The following ACOXL variants were observed in gnomAD, a reference collection of about 807,000 sequenced individuals.
ACOXL encodes the protein acyl-CoA oxidase like.
A neutral mutation model predicts 71.9 loss-of-function variants in ACOXL; 70 were observed. That is an observed-to-expected ratio of 0.97 (90% CI 0.80 to 1.19). ACOXL has a LOEUF of 1.19. Among genes scored for constraint, ACOXL ranks in the 50% most tolerant of loss-of-function variants. ACOXL has a pLI of 0.00. For synonymous variants in ACOXL, 253 were observed against 281.6 expected (o/e 0.90, Z 1.02); for missense variants, 703 against 736.3 (o/e 0.95, Z 0.52).
chr2:110,880,773 A>G (rs768840144), intron 10 of ACOXL, among the ~76,000 whole-genome samples: 14 of 152,154 alleles, frequency 9.2e-5, no homozygotes, highest in African/African-American at 1.4e-4. Flanking sequence ...TGATGGCACC[A>G]TTGCACTCCA....
At chr2:111,009,997 A>G (rs2064070092) in intron 14 of ACOXL, among the ~76,000 whole-genome samples, 1 of 152,186 alleles carries the variant, frequency 6.6e-6, no homozygotes, top group East Asian at 1.9e-4. Context: ...AATAAGACTC[A>G]ATACCCTTTA....
chr2:110,832,525 A>G, intron 9 of ACOXL, among the ~76,000 whole-genome samples: 1 of 149,516 alleles, frequency 6.7e-6, no homozygotes, highest in African/African-American at 2.5e-5. Context: ...GGCCTGGGCG[A>G]CAGAGCGAGA....
chr2:110,957,341 C>G (rs988876063), intron 12 of ACOXL, among the ~76,000 whole-genome samples: 4 of 152,170 alleles, frequency 2.6e-5, no homozygotes, highest in African/African-American at 9.7e-5. Context: ...AAGATTTGTT[C>G]ATGTTGGAGA....
chr2:110,751,752 G>A (rs1678992316), intron 1 of ACOXL, among the ~76,000 whole-genome samples: 3 of 152,180 alleles, frequency 2.0e-5, no homozygotes, highest in South Asian at 2.1e-4. Context: ...CCCTCCTGGA[G>A]GTAACCACGG....
At chr2:111,025,108 C>G (rs2064957543) in intron 14 of ACOXL, among the ~76,000 whole-genome samples, 1 of 152,038 alleles carries the variant, frequency 6.6e-6, no homozygotes. Context: ...ACTTATCTTT[C>G]TTTCATTGTA....
chr2:110,968,869 A>C (rs1056732734), intron 12 of ACOXL: 37 of 320,932 alleles, frequency 1.2e-4, no homozygotes, highest in African/African-American at 7.6e-4. Context: ...AACAGCATAC[A>C]TGTTTTTCAA....
rs894099470 is a variant in ACOXL, at chr2:111,117,758, AGCCGCG to A, written c.1689_1694del (p.Pro565_Arg566del). The A allele has an allele frequency of 1.9e-6, 3 of 1,551,382 alleles. No homozygotes were observed. The African/African-American group carries it at 4.1e-5, about 21-fold the overall frequency. On this transcript the variant is annotated inframe_deletion, in exon 18 of 18. Coordinates refer to ENST00000439055, the MANE Select transcript of ACOXL (RefSeq NM_001142807.4). ...TGGGCTTTCTACCCTGCACCGCTGC[AGCCGCG>A]GCCACGGGAAGAGGCGCGCTCCCGG...
intron 7 of ACOXL, among the ~76,000 whole-genome samples, chr2:110,801,050 A>C (rs1198391620): frequency 3.3e-5 from 5 of 152,186 alleles, no homozygotes; most frequent in Non-Finnish European, 5.9e-5. Flanking sequence ...CTAAGTTTTC[A>C]CAAAGAGAAG....
intron 2 of ACOXL, among the ~76,000 whole-genome samples, chr2:110,775,635 G>A (rs1018306288): frequency 3.3e-5 from 5 of 152,034 alleles, no homozygotes; most frequent in African/African-American, 4.8e-5. Flanking sequence ...TAAACACATA[G>A]AAAGATGCCC....
chr2:110,948,315 A>T (rs2061190240), intron 12 of ACOXL, among the ~76,000 whole-genome samples: 1 of 152,164 alleles, frequency 6.6e-6, no homozygotes, highest in African/African-American at 2.4e-5. Context: ...TGCATAGGGA[A>T]CGCTGAAGCA....
chr2:110,795,874 GT>G (rs1350382574), intron 5 of ACOXL: 1 of 151,736 alleles, frequency 6.6e-6, no homozygotes. Flanking sequence ...ATAATTTCCT[GT>G]GTTGGTCCCA....
At chr2:110,899,957 CA>C (rs2059161520) in intron 10 of ACOXL, among the ~76,000 whole-genome samples, 2 of 152,096 alleles carry the variant, frequency 1.3e-5, no homozygotes. Flanking sequence ...CTGTCCACAC[CA>C]CTTTCCTAGG....
rs922081309 is a variant in ACOXL, at chr2:111,087,807, T to C, written c.1441-5058T>C. On this transcript the variant is annotated intron_variant, in intron 16 of 17. Transcript: ENST00000439055. The stretch of plus-strand genomic sequence containing the variant: ...CAAAAATTAACAAATGGGATCTAAT[T>C]AAACTAAAGAGCTTCTGCTCAGCAA... Among the ~76,000 whole-genome samples, 119 of 152,172 alleles carry C rather than the reference T, an allele frequency of 7.8e-4. 1 individual carries two copies. The highest frequency in any genetic ancestry group is 2.8e-3 in the African/African-American group (115 of 41,458).
chr2:110,835,784 A>T (rs1690379715), intron 9 of ACOXL, among the ~76,000 whole-genome samples: 1 of 152,150 alleles, frequency 6.6e-6, no homozygotes, highest in African/African-American at 2.4e-5. Context: ...CTCAAACTTG[A>T]CGCTTGTAGA....
chr2:111,012,367 C>G (rs2064211794), intron 14 of ACOXL, among the ~76,000 whole-genome samples: 2 of 152,062 alleles, frequency 1.3e-5, no homozygotes, highest in African/African-American at 4.8e-5. Flanking sequence ...ACTGGGAAAC[C>G]AAAAAGTTTG....
chr2:110,870,570 C>T (rs1367496957), intron 10 of ACOXL, among the ~76,000 whole-genome samples: 1 of 151,976 alleles, frequency 6.6e-6, no homozygotes, highest in African/African-American at 2.4e-5. Flanking sequence ...CACAGTTATG[C>T]CAGGGACAGT....
At chr2:111,050,790 C>T (rs1372069284) in intron 16 of ACOXL, among the ~76,000 whole-genome samples, 1 of 152,168 alleles carries the variant, frequency 6.6e-6, no homozygotes, top group Non-Finnish European at 1.5e-5. Context: ...TCATGGCCTC[C>T]CCGACTTGGG....
At chr2:111,057,236 T>C (rs2149863691) in intron 16 of ACOXL, among the ~76,000 whole-genome samples, 1 of 152,344 alleles carries the variant, frequency 6.6e-6, no homozygotes, top group African/African-American at 2.4e-5. Flanking sequence ...CGTTGTGTTC[T>C]GACTTTTCCA....
At chr2:110,738,557 A>G (rs895157462) in intron 1 of ACOXL, among the ~76,000 whole-genome samples, 4 of 152,196 alleles carry the variant, frequency 2.6e-5, no homozygotes, top group African/African-American at 7.2e-5. Context: ...CAACATTGCA[A>G]TGAACAAATC....
Sources: gnomAD v4.1 joint callset for allele counts (sites outside exome capture counted in the v4.1 genomes callset) on GRCh38, gnomAD v4.1.1 for gene constraint, MANE v1.5 for transcripts, NCBI Gene and HGNC (gene_info 2026-07-23, HGNC 2026-07-21) for gene names.